The following PRH1 variants were observed in gnomAD, a reference collection of about 807,000 sequenced individuals.
The protein encoded by PRH1 is salivary acidic proline-rich phosphoprotein 1/2.
PRH1 carries 7 observed loss-of-function variants against 7.9 expected under a neutral mutation model. That is an observed-to-expected ratio of 0.89 (90% confidence interval 0.50 to 1.67). The LOEUF is 1.67. Ranked by LOEUF, PRH1 falls within the 40% of genes most tolerant of loss-of-function variation. The pLI is 0.00. For missense variants in PRH1, 109 were observed against 223.6 expected, an observed-to-expected ratio of 0.49 and a Z score of 3.27; for synonymous variants, 45 against 80.8, an observed-to-expected ratio of 0.56 and a Z score of 2.38.
chr12:10,940,365 A>G (rs1444368634), intron 2 of PRH1, among the ~76,000 whole-genome samples: 1 of 152,236 alleles, frequency 6.6e-6, no homozygotes, highest in African/African-American at 2.4e-5. Flanking sequence ...ACACATTTAA[A>G]AAGACTTGCA....
intron 1 of PRH1, chr12:11,031,005 C>G: frequency 6.2e-7 from 1 of 1,614,290 alleles, no homozygotes; most frequent in South Asian, 1.1e-5. Flanking sequence ...GAGAAATTGG[C>G]AATCTTGAGC....
At chr12:11,017,475 C>G (rs898397508) in intron 1 of PRH1, among the ~76,000 whole-genome samples, 5 of 91,868 alleles carry the variant, frequency 5.4e-5, no homozygotes, top group Non-Finnish European at 1.2e-4. Flanking sequence ...GTTGAAAAAT[C>G]AATTAATTAA....
intron 1 of PRH1, among the ~76,000 whole-genome samples, chr12:11,056,812 C>A (rs78098331): frequency 6.7e-6 from 1 of 148,734 alleles, no homozygotes; most frequent in Non-Finnish European, 1.5e-5. Flanking sequence ...AGCTAGACTC[C>A]GTCTCGAGAA....
At chr12:11,156,720 A>G (rs186102864) in intron 1 of PRH1, among the ~76,000 whole-genome samples, 146 of 152,286 alleles carry the variant, frequency 9.6e-4, no homozygotes, top group African/African-American at 3.4e-3. Flanking sequence ...AGTTATTTCT[A>G]TGGATAAATA....
chr12:11,117,529 A>G (rs1945766229), downstream of PRH1, among the ~76,000 whole-genome samples: 1 of 152,176 alleles, frequency 6.6e-6, no homozygotes, highest in Non-Finnish European at 1.5e-5. Context: ...CTATCAAAAT[A>G]CCAAAAACAT....
At chr12:10,921,446 T>A (rs1950044305) in intron 2 of PRH1, among the ~76,000 whole-genome samples, 1 of 152,182 alleles carries the variant, frequency 6.6e-6, no homozygotes, top group Non-Finnish European at 1.5e-5. Flanking sequence ...AATTTTGGAA[T>A]AAAATTATTT....
chr12:11,091,835 A>T (rs1325886110), intron 1 of PRH1: 34 of 1,488,066 alleles, frequency 2.3e-5, no homozygotes, highest in African/African-American at 1.4e-5. Context: ...CCCCAACAAC[A>T]TCACCAGAAT....
At chr12:10,978,589 CTA>C (rs1939212538) in intron 1 of PRH1, among the ~76,000 whole-genome samples, 1 of 152,044 alleles carries the variant, frequency 6.6e-6, no homozygotes, top group Non-Finnish European at 1.5e-5. Context: ...CTTAATTAAA[CTA>C]AAGAGTTTCT....
intron 1 of PRH1, chr12:11,031,535 C>G: frequency 1.7e-6 from 1 of 593,438 alleles, no homozygotes; most frequent in Non-Finnish European, 2.7e-6. Context: ...GACAAAGCTT[C>G]CACCGGGAGG....
chr12:11,065,855 A>G (rs1943785707), intron 1 of PRH1, among the ~76,000 whole-genome samples: 1 of 152,196 alleles, frequency 6.6e-6, no homozygotes, highest in African/African-American at 2.4e-5. Context: ...AATTGATTTG[A>G]TGTGAGTAGC....
chr12:11,118,055 A>C (rs73066828), downstream of PRH1, among the ~76,000 whole-genome samples: 18,234 of 152,214 alleles, frequency 0.12, 1,207 homozygotes, highest in Non-Finnish European at 0.14. Flanking sequence ...CAAGTAAAAA[A>C]TGCACAATTG....
intron 1 of PRH1, among the ~76,000 whole-genome samples, chr12:11,149,890 G>A (rs1223801629): frequency 3.6e-5 from 5 of 137,400 alleles, no homozygotes; most frequent in East Asian, 4.0e-4. Context: ...GCAACCTACA[G>A]AATGGGAGAA....
chr12:10,930,525 C>A, intron 2 of PRH1: 1 of 1,502,476 alleles, frequency 6.7e-7, no homozygotes, highest in Non-Finnish European at 8.9e-7. Context: ...AATTAGGAAG[C>A]CTTGGGAAGG....
At position 11,154,953 on chromosome 12, in the gene PRH1, C is replaced by T. The variant is rs74062452; in HGVS notation, n.39+16469G>A. On this transcript the variant is annotated intron_variant and non_coding_transcript_variant, in intron 1 of 1. Coordinates refer to the PRH1 transcript ENST00000541175. Reference sequence around the variant, plus strand: ...TATTTTCAGTATCATTTTCTGAGCCCCAATAGTATACAGTTGTAGTTAGTT... The same window carrying T: ...TATTTTCAGTATCATTTTCTGAGCCTCAATAGTATACAGTTGTAGTTAGTT... 9.6e-3 allele frequency among the ~76,000 whole-genome samples: 1,462 copies of T among 152,086 alleles called. 23 individuals carry two copies. Among genetic ancestry groups the T allele is most frequent in the African/African-American group, 0.033 (1,348 of 41,460 alleles).
intron 1 of PRH1, among the ~76,000 whole-genome samples, chr12:11,001,164 A>G (rs10772410): frequency 0.3 from 45,722 of 150,924 alleles, 8,615 homozygotes; most frequent in East Asian, 0.73. Context: ...TTTTTTTTTT[A>G]GGGGGGGATA....
At chr12:11,150,305 C>G (rs1947029776) in intron 1 of PRH1, among the ~76,000 whole-genome samples, 2 of 151,978 alleles carry the variant, frequency 1.3e-5, no homozygotes, top group African/African-American at 4.8e-5. Context: ...TTTGACCCAG[C>G]CATCCCATTA....
At chr12:11,089,836 C>T (rs1040999882) in intron 1 of PRH1, among the ~76,000 whole-genome samples, 2 of 112,268 alleles carry the variant, frequency 1.8e-5, no homozygotes, top group African/African-American at 5.9e-5. Context: ...TACCTTGTCT[C>T]CAACTCAGAC....
intron 1 of PRH1, among the ~76,000 whole-genome samples, chr12:11,068,967 G>A (rs1471422981): frequency 7.8e-5 from 10 of 128,412 alleles, no homozygotes; most frequent in Middle Eastern, 3.7e-3. Flanking sequence ...GAGTGCAGTG[G>A]TTTCGGATTG....
chr12:10,930,519 A>T, intron 2 of PRH1: 1 of 1,490,076 alleles, frequency 6.7e-7, no homozygotes, highest in Non-Finnish European at 9.0e-7. Context: ...AGTTCTAATT[A>T]GGAAGCCTTG....
Sources: gnomAD v4.1 joint callset for allele counts (sites outside exome capture counted in the v4.1 genomes callset) on GRCh38, gnomAD v4.1.1 for gene constraint, MANE v1.5 for transcripts, NCBI Gene and HGNC (gene_info 2026-07-23, HGNC 2026-07-21) for gene names.